RBFOX3: variants seen among roughly 807,000 people sequenced by gnomAD.
The protein encoded by RBFOX3 is RNA binding fox-1 homolog 3.
In RBFOX3, 17 loss-of-function variants were observed where a neutral mutation model predicts 48.7. That is an observed-to-expected ratio of 0.35 (90% confidence interval 0.24 to 0.52). The LOEUF is 0.52. RBFOX3 is among the 20% of genes least tolerant of loss of function. RBFOX3 has a pLI of 0.94. For synonymous variants in RBFOX3, 212 were observed against 209.5 expected (o/e 1.01, Z -0.10); for missense variants, 382 against 497.5 (o/e 0.77, Z 2.21).
chr17:79,236,037 G>T (rs1375586938), intron 3 of RBFOX3, among the ~76,000 whole-genome samples: 1 of 152,202 alleles, frequency 6.6e-6, no homozygotes, highest in Middle Eastern at 3.2e-3. Context: ...GCAAAACAGG[G>T]CACGGTGGAC....
At chr17:79,367,393 C>T (rs1228054915) in intron 2 of RBFOX3, among the ~76,000 whole-genome samples, 3 of 151,306 alleles carry the variant, frequency 2.0e-5, no homozygotes, top group African/African-American at 7.3e-5. Flanking sequence ...AGTCCTCCTC[C>T]ACCTCAAGTC....
At chr17:79,483,922 T>C (rs1171584559) in intron 1 of RBFOX3, among the ~76,000 whole-genome samples, 2 of 152,174 alleles carry the variant, frequency 1.3e-5, no homozygotes, top group Admixed American at 1.3e-4. Flanking sequence ...GTTTGTTTAG[T>C]TGGTGAGGGC....
chr17:79,144,686 G>A (rs1599655525), intron 4 of RBFOX3, among the ~76,000 whole-genome samples: 1 of 152,178 alleles, frequency 6.6e-6, no homozygotes, highest in African/African-American at 2.4e-5. Flanking sequence ...GTCCCCGAAC[G>A]CCGAGTGCCT....
At chr17:79,409,573 C>T (rs570489579) in intron 2 of RBFOX3, among the ~76,000 whole-genome samples, 31 of 152,108 alleles carry the variant, frequency 2.0e-4, no homozygotes, top group Admixed American at 6.5e-4. Flanking sequence ...AGATATATGG[C>T]CTTCTGAAGT....
At chr17:79,374,277 C>T (rs374814547) in intron 2 of RBFOX3, among the ~76,000 whole-genome samples, 244 of 152,254 alleles carry the variant, frequency 1.6e-3, no homozygotes, top group African/African-American at 5.4e-3. Context: ...GACGAGAAGC[C>T]GCAGCTTCCC....
At chr17:79,369,215 G>T (rs1266704810) in intron 2 of RBFOX3, among the ~76,000 whole-genome samples, 3 of 152,154 alleles carry the variant, frequency 2.0e-5, no homozygotes, top group African/African-American at 4.8e-5. Flanking sequence ...ATCAGCCGGG[G>T]TTGACCTGTG....
chr17:79,577,957 G>A (rs956648447), intron 1 of RBFOX3, among the ~76,000 whole-genome samples: 9 of 152,364 alleles, frequency 5.9e-5, no homozygotes, highest in Non-Finnish European at 1.0e-4. Context: ...CAGACCCAGC[G>A]TGGGTGGCAG....
intron 2 of RBFOX3, among the ~76,000 whole-genome samples, chr17:79,411,256 G>T (rs111946472): frequency 0.028 from 4,185 of 152,142 alleles, 102 homozygotes; most frequent in African/African-American, 0.066. Context: ...TATATCGAAG[G>T]GTCCCAAAGG....
At chr17:79,344,014 T>G (rs1417485783) in intron 2 of RBFOX3, among the ~76,000 whole-genome samples, 1 of 152,182 alleles carries the variant, frequency 6.6e-6, no homozygotes, top group East Asian at 1.9e-4. Context: ...AAGATGCCAC[T>G]GATCCATTAG....
chr17:79,126,949 TG>T (rs2037468568), intron 4 of RBFOX3, among the ~76,000 whole-genome samples: 1 of 152,208 alleles, frequency 6.6e-6, no homozygotes, highest in Non-Finnish European at 1.5e-5. Flanking sequence ...CTTCGCAGGC[TG>T]GTCCTCCAAG....
intron 1 of RBFOX3, among the ~76,000 whole-genome samples, chr17:79,559,961 T>C (rs1245707036): frequency 3.6e-5 from 5 of 140,374 alleles, no homozygotes; most frequent in Non-Finnish European, 6.1e-5. Context: ...GGTGAATGAA[T>C]GGGTGGATAG....
intron 2 of RBFOX3, among the ~76,000 whole-genome samples, chr17:79,405,088 A>G (rs74000042): frequency 0.06 from 9,093 of 152,236 alleles, 527 homozygotes; most frequent in African/African-American, 0.15. Flanking sequence ...CTCTCCAAAA[A>G]TAGCCCTTTA....
intron 2 of RBFOX3, among the ~76,000 whole-genome samples, chr17:79,425,677 G>A (rs1161044876): frequency 6.6e-6 from 1 of 152,220 alleles, no homozygotes; most frequent in Non-Finnish European, 1.5e-5. Flanking sequence ...GACAGAGCAA[G>A]GAAGGGGGAG....
chr17:79,097,202 T>G, intron 11 of RBFOX3, 90 bp downstream of exon 11: 2 of 922,804 alleles, frequency 2.2e-6, no homozygotes, highest in East Asian at 3.2e-5. Flanking sequence ...AAAGGCTGCC[T>G]AGCCCCTCGC....
intron 2 of RBFOX3, among the ~76,000 whole-genome samples, chr17:79,356,359 T>TG (rs2085031188): frequency 4.5e-5 from 3 of 67,218 alleles, no homozygotes; most frequent in Non-Finnish European, 8.4e-5. Context: ...TTTTTTTTTT[T>TG]TTTTTTTTTT....
chr17:79,639,308 G>A, the RBFOX3 span, among the ~76,000 whole-genome samples: 4 of 151,950 alleles, frequency 2.6e-5, no homozygotes, highest in African/African-American at 9.7e-5. Context: ...CCAAGTAGCT[G>A]GGACTACAGG....
At position 79,204,840 on chromosome 17, in the gene RBFOX3, C is replaced by A. The variant is rs2057291483; in HGVS notation, c.-34+30926G>T. On this transcript the variant is annotated intron_variant, in intron 4 of 14. Coordinates refer to ENST00000693108, the MANE Select transcript of RBFOX3 (RefSeq NM_001350451.2). The surrounding 1 kb of genome is among the most constrained non-coding windows in gnomAD (Gnocchi z 4.5). ...ATCAGAGGCAAGTTGGAATTAAATA[C>A]CACCGTGGTCAGCCAGGCTTTGGAG... Among the ~76,000 whole-genome samples, 1 of 152,138 alleles carries A rather than the reference C, an allele frequency of 6.6e-6. No individual in the cohort carries two copies. The highest frequency in any genetic ancestry group is 1.5e-5 in the Non-Finnish European group (1 of 68,034).
intron 2 of RBFOX3, among the ~76,000 whole-genome samples, chr17:79,396,835 C>G (rs1384541358): frequency 1.3e-5 from 2 of 152,252 alleles, no homozygotes; most frequent in Non-Finnish European, 2.9e-5. Context: ...GGCATGAAAC[C>G]CAGCCTGGAT....
chr17:79,592,714 C>A (rs2093458339), intron 1 of RBFOX3, among the ~76,000 whole-genome samples: 1 of 152,186 alleles, frequency 6.6e-6, no homozygotes, highest in Admixed American at 6.5e-5. Context: ...GACAGCCACT[C>A]CCAAGGTGGC....
Sources: allele counts gnomAD v4.1 joint callset (sites outside exome capture counted in the v4.1 genomes callset), GRCh38; gene constraint gnomAD v4.1.1; non-coding constraint Gnocchi (gnomAD v3.1); transcripts MANE v1.5; gene names NCBI Gene and HGNC (gene_info 2026-07-23, HGNC 2026-07-21).